Variants in PALM2AKAP2 observed in about 807,000 individuals in gnomAD.
The protein encoded by PALM2AKAP2 is PALM2 and AKAP2 fusion.
A neutral mutation model predicts 71.5 loss-of-function variants in PALM2AKAP2; 37 were observed. The observed-to-expected ratio is 0.52, with a 90% confidence interval of 0.40 to 0.68. The LOEUF (loss-of-function observed/expected upper bound fraction) is 0.68. PALM2AKAP2 is among the 30% of genes least tolerant of loss of function. The pLI is 0.00. For synonymous variants in PALM2AKAP2, 468 were observed against 478.8 expected (o/e 0.98, Z 0.29); for missense variants, 1,224 against 1,191.8 (o/e 1.03, Z -0.40).
intron 6 of PALM2AKAP2, among the ~76,000 whole-genome samples, chr9:109,958,593 G>T (rs1407423087): frequency 6.6e-6 from 1 of 151,586 alleles, no homozygotes. Context: ...AAGAGAAGGA[G>T]AAAAGGAAGA....
intron 1 of PALM2AKAP2, among the ~76,000 whole-genome samples, chr9:110,096,035 C>A (rs1036917892): frequency 6.6e-5 from 10 of 152,200 alleles, no homozygotes; most frequent in African/African-American, 2.4e-4. Context: ...GTGAGCTGGG[C>A]AGTTCCATGA....
At chr9:109,993,424 G>A (rs1564249689) in intron 6 of PALM2AKAP2, among the ~76,000 whole-genome samples, 1 of 152,132 alleles carries the variant, frequency 6.6e-6, no homozygotes, top group African/African-American at 2.4e-5. Context: ...CCCAGGGCTG[G>A]CTCTCATTGG....
At chr9:109,867,962 C>T (rs564180971) in intron 2 of PALM2AKAP2, among the ~76,000 whole-genome samples, 1 of 152,228 alleles carries the variant, frequency 6.6e-6, no homozygotes, top group African/African-American at 2.4e-5. Flanking sequence ...ACGGAACGTT[C>T]TTTTTATTCA....
At chr9:109,933,923 C>T (rs1831166166) in intron 6 of PALM2AKAP2, among the ~76,000 whole-genome samples, 1 of 152,156 alleles carries the variant, frequency 6.6e-6, no homozygotes, top group African/African-American at 2.4e-5. Flanking sequence ...TGTGGCTTAC[C>T]AACCAAGGGT....
chr9:109,702,839 GAC>G (rs894454692), intron 1 of PALM2AKAP2, among the ~76,000 whole-genome samples: 1 of 147,328 alleles, frequency 6.8e-6, no homozygotes, highest in Non-Finnish European at 1.5e-5. Context: ...TTTTTTTTGA[GAC>G]AGAGTCTCAC....
intron 6 of PALM2AKAP2, chr9:109,942,614 T>G (rs1249294382): frequency 2.0e-6 from 3 of 1,494,744 alleles, no homozygotes; most frequent in Non-Finnish European, 2.7e-6. Context: ...TTTTTTTGTC[T>G]GTTTGGCAAT....
At chr9:109,645,608 G>A (rs1254345312) in intron 1 of PALM2AKAP2, among the ~76,000 whole-genome samples, 1 of 151,246 alleles carries the variant, frequency 6.6e-6, no homozygotes, top group Non-Finnish European at 1.5e-5. Flanking sequence ...ACAGCAATGT[G>A]GATGGAGCTG....
intron 2 of PALM2AKAP2, among the ~76,000 whole-genome samples, chr9:109,877,050 T>C (rs1490862957): frequency 6.6e-6 from 1 of 152,118 alleles, no homozygotes; most frequent in Non-Finnish European, 1.5e-5. Flanking sequence ...GCCATTTACG[T>C]TGCAAGAAGT....
Position 109,893,442 on chromosome 9 carries a change from C to CGTTTT in PALM2AKAP2, c.257+12777_257+12781dup, listed in dbSNP as rs60779681. Among the ~76,000 whole-genome samples the CGTTTT allele has an allele frequency of 3.3e-5, 5 of 151,382 alleles. No individual in the cohort carries two copies. In the East Asian group the frequency reaches 5.9e-4, roughly 18 times the overall value. ...GCTAGAGTTATCTCAGCAGGGGTTTCGTTTTGTTTTGTTTTGTTTTTGAGA... is the reference window on the plus strand; with the variant it reads ...GCTAGAGTTATCTCAGCAGGGGTTTCGTTTTGTTTTGTTTTGTTTTGTTTTTGAGA... On this transcript the variant is annotated intron_variant, in intron 3 of 9. Coordinates refer to the PALM2AKAP2 transcript ENST00000302798.
At chr9:109,977,679 C>T (rs1832194981) in intron 6 of PALM2AKAP2, among the ~76,000 whole-genome samples, 2 of 152,290 alleles carry the variant, frequency 1.3e-5, no homozygotes, top group South Asian at 4.1e-4. Context: ...ACATACATAT[C>T]CTGATCACAG....
intron 1 of PALM2AKAP2, among the ~76,000 whole-genome samples, chr9:109,851,176 C>CAAA (rs56289604): frequency 0.43 from 52,901 of 122,744 alleles, 10,582 homozygotes; most frequent in South Asian, 0.49. Flanking sequence ...GACTCCGTCT[C>CAAA]AACAACAACA....
chr9:110,156,267 G>A lies in PALM2AKAP2; in HGVS notation c.2570-52G>A, dbSNP rs912568245. The A allele has an allele frequency of 5.4e-6, 8 of 1,474,174 alleles. No individual in the cohort carries two copies. The African/African-American group carries it at 5.7e-5, about 10-fold the overall frequency. The allele number at this position is 1,474,174 out of a possible 1,614,324, so 91.3% of individuals were successfully genotyped here. A position where few individuals can be genotyped will look rare whatever the true frequency, so the allele number is the denominator to read the frequency against. ...TTATTTGCCAGTTTTCTTTCTAAAAGCAGTCATGAGCAGACAAGCTTAGAA... is the reference window on the plus strand; with the variant it reads ...TTATTTGCCAGTTTTCTTTCTAAAAACAGTCATGAGCAGACAAGCTTAGAA... On this transcript the variant is annotated intron_variant, in intron 2 of 3. Coordinates refer to ENST00000374525, the Ensembl canonical transcript of PALM2AKAP2.
At chr9:109,719,110 T>C (rs1253549041) in intron 1 of PALM2AKAP2, among the ~76,000 whole-genome samples, 1 of 152,208 alleles carries the variant, frequency 6.6e-6, no homozygotes, top group African/African-American at 2.4e-5. Flanking sequence ...TGAAAATTAC[T>C]TAATTCATCA....
At chr9:110,016,791 G>A (rs1832987247) in intron 7 of PALM2AKAP2, among the ~76,000 whole-genome samples, 1 of 152,164 alleles carries the variant, frequency 6.6e-6, no homozygotes, top group South Asian at 2.1e-4. Flanking sequence ...ATTCTTGCTT[G>A]AATGATTATA....
At chr9:109,926,870 T>G (rs1322387861) in intron 5 of PALM2AKAP2, among the ~76,000 whole-genome samples, 1 of 152,176 alleles carries the variant, frequency 6.6e-6, no homozygotes, top group Non-Finnish European at 1.5e-5. Flanking sequence ...TCTCACCACC[T>G]CTTTCATTTT....
chr9:109,715,703 G>T (rs768954296), intron 1 of PALM2AKAP2, among the ~76,000 whole-genome samples: 2 of 152,122 alleles, frequency 1.3e-5, no homozygotes, highest in Non-Finnish European at 2.9e-5. Context: ...GGACTTTCTG[G>T]TGCTATTTCC....
At chr9:109,892,261 G>T (rs1022465033) in intron 3 of PALM2AKAP2, among the ~76,000 whole-genome samples, 1 of 152,034 alleles carries the variant, frequency 6.6e-6, no homozygotes, top group Non-Finnish European at 1.5e-5. Flanking sequence ...TGGCTGTGTC[G>T]CTCTAATCTC....
chr9:109,956,987 A>G (rs1367899133), intron 6 of PALM2AKAP2, among the ~76,000 whole-genome samples: 1 of 152,190 alleles, frequency 6.6e-6, no homozygotes. Context: ...CCACAAGAAG[A>G]GCAGAGACAC....
intron 6 of PALM2AKAP2, among the ~76,000 whole-genome samples, chr9:109,988,241 TTA>T (rs1434979441): frequency 1.3e-5 from 2 of 152,240 alleles, no homozygotes; most frequent in African/African-American, 4.8e-5. Context: ...TTATTGTAAT[TTA>T]TGTTTCTTCA....
Sources: allele counts gnomAD v4.1 joint callset (sites outside exome capture counted in the v4.1 genomes callset), GRCh38; gene constraint gnomAD v4.1.1; transcripts MANE v1.5; gene names NCBI Gene and HGNC (gene_info 2026-07-23, HGNC 2026-07-21).